Variants in USP42 observed in about 807,000 individuals in gnomAD.
USP42 encodes ubiquitin carboxyl-terminal hydrolase 42.
USP42 carries 23 observed loss-of-function variants against 113.0 expected under a neutral mutation model. That is an observed-to-expected ratio of 0.20 (90% CI 0.15 to 0.29). The LOEUF (loss-of-function observed/expected upper bound fraction) is 0.29. Among genes scored for constraint, USP42 ranks in the 10% least tolerant of loss-of-function variants. The pLI is 1.00. For missense variants in USP42, 2,174 were observed against 1,779.8 expected (o/e 1.22, Z -3.99); for synonymous variants, 933 against 699.0 (o/e 1.33, Z -5.28).
chr7:6,082,576 G>A, the USP42 span, among the ~76,000 whole-genome samples: 3 of 147,864 alleles, frequency 2.0e-5, no homozygotes, highest in African/African-American at 7.7e-5. Context: ...AACATAAGGA[G>A]ACTGCGTCTC....
chr7:6,121,525 G>C (rs1006645887), intron 3 of USP42, among the ~76,000 whole-genome samples: 5 of 151,906 alleles, frequency 3.3e-5, no homozygotes, highest in Non-Finnish European at 7.4e-5. Context: ...GTTGGGATAT[G>C]TTTTCTTCGC....
At chr7:6,135,506 G>A (rs1044948337) in intron 3 of USP42, among the ~76,000 whole-genome samples, 23 of 151,632 alleles carry the variant, frequency 1.5e-4, no homozygotes, top group African/African-American at 5.6e-4. Context: ...AAAAAAATTA[G>A]CCAGGCATGG....
intron 8 of USP42, 50 bp downstream of exon 8, chr7:6,143,064 T>C: frequency 6.3e-7 from 1 of 1,590,868 alleles, no homozygotes; most frequent in Non-Finnish European, 8.6e-7. Context: ...CCAGTGGGGA[T>C]GGCCGGCAGG....
chr7:6,141,246 A>G (rs1362158546), intron 7 of USP42, among the ~76,000 whole-genome samples: 11 of 128,864 alleles, frequency 8.5e-5, no homozygotes, highest in Admixed American at 2.8e-4. Flanking sequence ...TCTGTCACCC[A>G]GGCTGGCATG....
the USP42 span, among the ~76,000 whole-genome samples, chr7:6,086,494 C>T: frequency 1.9e-4 from 29 of 151,190 alleles, no homozygotes; most frequent in South Asian, 6.2e-4. Flanking sequence ...CGTGAGCCAC[C>T]GCGCCCAGCC....
chr7:6,159,481 T>C lies in USP42; in HGVS notation c.*24T>C, dbSNP rs772834644. On this transcript the variant is annotated 3_prime_UTR_variant, in exon 17 of 18. Coordinates refer to ENST00000306177, the MANE Select transcript of USP42 (RefSeq NM_032172.3). This position sits in a 1 kb window ranked among gnomAD's most constrained non-coding sequence, Gnocchi z 4.1. ...GAAAACTCAGCCTCAAAACAAAAAA[T>C]TCACTAGTTATGGTAAGCTGTTTTC... 4 of 1,613,914 alleles carry C rather than the reference T, an allele frequency of 2.5e-6. No individual in the cohort carries two copies. The highest frequency in any genetic ancestry group is 1.1e-5 in the South Asian group (1 of 91,082).
intron 15 of USP42, 36 bp from the exon 16 acceptor site, chr7:6,156,718 T>C: frequency 1.3e-6 from 2 of 1,507,500 alleles, no homozygotes; most frequent in Middle Eastern, 1.8e-4. Flanking sequence ...TGGTTTTGTG[T>C]TTTAGGGTTT....
chr7:6,152,932 T>C (rs1562852368), intron 14 of USP42: 1 of 985,090 alleles, frequency 1.0e-6, no homozygotes, highest in African/African-American at 1.8e-5. Context: ...GGAGGCCCTG[T>C]CATCACTGGA....
At chr7:6,128,024 A>G (rs7796322) in intron 3 of USP42, 14,870 of 152,028 alleles carry the variant, frequency 0.098, 881 homozygotes, top group African/African-American at 0.16. Flanking sequence ...TCAAAATCCT[A>G]CATCATCAAA....
In USP42 at chr7:6,139,133, C is replaced by T. The variant is rs1461876565; in HGVS notation, c.595C>T (p.His199Tyr). The change falls in exon 5 of 18, where the codon CAT (histidine) becomes TAT (tyrosine). Residue 199 changes from histidine to tyrosine, a missense_variant. Physicochemically the swap from His to Tyr is moderately conservative, Grantham distance 83. Transcript: ENST00000306177. This position sits in a 1 kb window ranked among gnomAD's most constrained non-coding sequence, Gnocchi z 4.5. ...CCGTTTTGGAAACCAAGAAGATGCC[C>T]ATGAATTCCTTCAATACACTGTTGA... ...HFRFGNQEDA[H>Y]EFLQYTVDAM... 1 of 1,610,266 alleles carries T rather than the reference C, an allele frequency of 6.2e-7. No homozygotes were observed.
At chr7:6,131,865 G>A (rs191905284) in intron 3 of USP42, among the ~76,000 whole-genome samples, 21 of 152,236 alleles carry the variant, frequency 1.4e-4, no homozygotes, top group Admixed American at 5.9e-4. Flanking sequence ...CCTCTATTCC[G>A]TCTCCCAGAA....
chr7:6,130,860 AG>A (rs1283433481), intron 3 of USP42, among the ~76,000 whole-genome samples: 1 of 152,178 alleles, frequency 6.6e-6, no homozygotes, highest in Admixed American at 6.5e-5. Context: ...GACAGGAGCA[AG>A]GGGAAGGCAT....
rs1779571156 is a variant in USP42 at position 6,111,053 on chromosome 7, G to A, written c.-9-72G>A. 1.5e-5 allele frequency: 22 copies of A among 1,465,070 alleles called. No individual in the cohort carries two copies. In the East Asian group the frequency reaches 5.1e-4, roughly 34 times the overall value. The allele number at this position is 1,465,070 out of a possible 1,614,324, so 90.8% of individuals were successfully genotyped here. On this transcript the variant is annotated intron_variant, in intron 1 of 17. Coordinates refer to ENST00000306177, the MANE Select transcript of USP42 (RefSeq NM_032172.3). ...TAAAATGGCTGGAATGATCTTCCAA[G>A]ATCTAACGGTAGGGTAAGGAGATTG...
chr7:6,152,027 C>T (rs1471425244), intron 14 of USP42, among the ~76,000 whole-genome samples: 1 of 151,796 alleles, frequency 6.6e-6, no homozygotes, highest in Non-Finnish European at 1.5e-5. Flanking sequence ...ACCTGCCCCA[C>T]AATTTAAAAA....
chr7:6,115,352 A>G lies in USP42; in HGVS notation c.271A>G (p.Lys91Glu). ...AGGTGATGGCATCGCTCCTCCACAG[A>G]AAGTTCTTTTCCCATCTGAGAAGAT... ...ALGDGIAPPQ[K>E]VLFPSEKICL... is the part of the protein sequence containing the mutation. The change falls in exon 3 of 18, where the codon AAA (lysine) becomes GAA (glutamate). Residue 91 changes from lysine to glutamate, a missense_variant. Coordinates refer to ENST00000306177, the MANE Select transcript of USP42 (RefSeq NM_032172.3). 1 of 1,614,042 alleles carries G rather than the reference A, an allele frequency of 6.2e-7. No individual in the cohort carries two copies. The highest frequency in any genetic ancestry group is 8.5e-7 in the Non-Finnish European group (1 of 1,179,902).
chr7:6,094,886 C>A, the USP42 span, among the ~76,000 whole-genome samples: 1 of 150,316 alleles, frequency 6.7e-6, no homozygotes, highest in East Asian at 1.9e-4. Context: ...CTCCCAGGTT[C>A]AAGCGATTCT....
chr7:6,091,978 T>TTTCTTCCTC, the USP42 span, among the ~76,000 whole-genome samples: 1 of 67,866 alleles, frequency 1.5e-5, no homozygotes, highest in Non-Finnish European at 2.9e-5. Context: ...GGACGTATTT[T>TTTCTTCCTC]TTCTTCTTCT....
At chr7:6,089,138 A>G in the USP42 span, among the ~76,000 whole-genome samples, 1 of 150,016 alleles carries the variant, frequency 6.7e-6, no homozygotes, top group Admixed American at 6.6e-5. Context: ...GCCACCTCCC[A>G]GGTTCACGCC....
At position 6,155,024 on chromosome 7, in the gene USP42, G is replaced by C; in HGVS notation, c.3470G>C (p.Gly1157Ala). Residue 1157 changes from glycine to alanine, a missense_variant, in exon 15 of 18, where the codon GGA becomes GCA. Transcript: ENST00000306177. ...GATCGGTTTCACGAACACGAAAATG[G>C]AAAGTCCCGGAAACGGAGACACGAC... ...LSDRFHEHEN[G>A]KSRKRRHDSV... is the part of the protein sequence containing the mutation. The C allele has an allele frequency of 6.4e-7, 1 of 1,563,732 alleles. No homozygotes were observed. The highest frequency in any genetic ancestry group is 8.7e-7 in the Non-Finnish European group (1 of 1,153,734).
Sources: gnomAD v4.1 joint callset for allele counts (sites outside exome capture counted in the v4.1 genomes callset) on GRCh38, gnomAD v4.1.1 for gene constraint, Gnocchi (gnomAD v3.1) non-coding constraint, MANE v1.5 for transcripts, NCBI Gene and HGNC (gene_info 2026-07-23, HGNC 2026-07-21) for gene names.